The following SGCZ variants were observed in gnomAD, a reference collection of about 807,000 sequenced individuals.
SGCZ encodes the protein sarcoglycan zeta, also known as zeta-sarcoglycan.
A neutral mutation model predicts 41.3 loss-of-function variants in SGCZ; 40 were observed. The observed-to-expected ratio is 0.97, with a 90% CI of 0.75 to 1.26. SGCZ has a LOEUF of 1.26. Among genes scored for constraint, SGCZ ranks in the 50% most tolerant of loss-of-function variants. SGCZ has a pLI of 0.00. For synonymous variants in SGCZ, 206 were observed against 137.5 expected (o/e 1.50, Z -3.49); for missense variants, 552 against 369.8 (o/e 1.49, Z -4.04).
At chr8:14,960,467 G>A (rs541942542) in intron 1 of SGCZ, among the ~76,000 whole-genome samples, 1 of 152,148 alleles carries the variant, frequency 6.6e-6, no homozygotes, top group South Asian at 2.1e-4. Context: ...GATTTTCATA[G>A]GCTAGAGGTA....
At chr8:14,699,314 C>T (rs1457861276) in intron 1 of SGCZ, among the ~76,000 whole-genome samples, 1 of 151,256 alleles carries the variant, frequency 6.6e-6, no homozygotes, top group Non-Finnish European at 1.5e-5. Flanking sequence ...AATAAAGCCA[C>T]ATACCTACAA....
chr8:15,082,050 G>A (rs1304895654), intron 1 of SGCZ, among the ~76,000 whole-genome samples: 5 of 151,912 alleles, frequency 3.3e-5, no homozygotes, highest in Non-Finnish European at 2.9e-5. Context: ...CCAACATGGT[G>A]AAACCCCGCC....
chr8:15,038,362 G>T (rs1803944273), intron 1 of SGCZ, among the ~76,000 whole-genome samples: 1 of 152,034 alleles, frequency 6.6e-6, no homozygotes, highest in Non-Finnish European at 1.5e-5. Context: ...AGGAAAGGAT[G>T]ATCTCTTCAA....
chr8:14,497,374 T>C (rs1188146781), intron 2 of SGCZ, among the ~76,000 whole-genome samples: 1 of 151,952 alleles, frequency 6.6e-6, no homozygotes, highest in South Asian at 2.1e-4. Flanking sequence ...AACAATCAGA[T>C]CTCTCGTGAA....
intron 1 of SGCZ, among the ~76,000 whole-genome samples, chr8:14,926,196 T>C (rs1202102861): frequency 6.6e-6 from 1 of 152,208 alleles, no homozygotes; most frequent in Admixed American, 6.5e-5. Context: ...GCTTTTTAAG[T>C]AATATATGCA....
intron 1 of SGCZ, among the ~76,000 whole-genome samples, chr8:14,663,089 A>G (rs1377498403): frequency 6.6e-6 from 1 of 152,206 alleles, no homozygotes; most frequent in Non-Finnish European, 1.5e-5. Flanking sequence ...CCTCGGAATT[A>G]TGACCTATAA....
chr8:15,156,213 G>A (rs113911232), intron 1 of SGCZ, among the ~76,000 whole-genome samples: 14 of 152,002 alleles, frequency 9.2e-5, no homozygotes, highest in African/African-American at 2.9e-4. Context: ...CTTTAAAATG[G>A]CTAATGTCCA....
At chr8:14,492,255 C>T (rs187858976) in intron 2 of SGCZ, among the ~76,000 whole-genome samples, 1 of 152,246 alleles carries the variant, frequency 6.6e-6, no homozygotes, top group African/African-American at 2.4e-5. Context: ...GTACTTATCA[C>T]TGAAATAATC....
intron 4 of SGCZ, among the ~76,000 whole-genome samples, chr8:14,174,933 C>T (rs555988915): frequency 7.2e-5 from 11 of 152,154 alleles, no homozygotes; most frequent in African/African-American, 1.7e-4. Context: ...TCTGTGTGTC[C>T]AAATTTCCTG....
Position 15,194,025 on chromosome 8 carries a change from T to A in SGCZ, c.39+43560A>T, listed in dbSNP as rs541063641. ...CCAGTGTAACTTGTTAGAGTATATGTTTTCTGAGTTGACCCTTATGGAAAA... is the reference window on the plus strand; with the variant it reads ...CCAGTGTAACTTGTTAGAGTATATGATTTCTGAGTTGACCCTTATGGAAAA... On this transcript the variant is annotated intron_variant, in intron 1 of 7. Coordinates refer to ENST00000382080, the MANE Select transcript of SGCZ (RefSeq NM_139167.4). Among the ~76,000 whole-genome samples, 17 of 152,296 alleles carry A rather than the reference T, an allele frequency of 1.1e-4. No homozygotes were observed. The South Asian group carries it at 1.7e-3, about 15-fold the overall frequency.
chr8:14,426,432 G>T (rs968649554), intron 2 of SGCZ, among the ~76,000 whole-genome samples: 2 of 146,432 alleles, frequency 1.4e-5, no homozygotes, highest in African/African-American at 5.6e-5. Context: ...GATGTTGGTG[G>T]TGCAAGTCAA....
chr8:14,616,487 C>T (rs1215820510), intron 1 of SGCZ, among the ~76,000 whole-genome samples: 1 of 151,858 alleles, frequency 6.6e-6, no homozygotes, highest in Admixed American at 6.6e-5. Flanking sequence ...TATTTTTTAA[C>T]CTAAAAAACT....
chr8:14,730,632 T>C (rs1435995447), intron 1 of SGCZ, among the ~76,000 whole-genome samples: 2 of 149,592 alleles, frequency 1.3e-5, no homozygotes, highest in Non-Finnish European at 3.0e-5. Context: ...AGCACATGGA[T>C]GTTCGGAACT....
chr8:14,796,871 G>T (rs571711345), intron 1 of SGCZ, among the ~76,000 whole-genome samples: 1 of 152,168 alleles, frequency 6.6e-6, no homozygotes, highest in South Asian at 2.1e-4. Flanking sequence ...CACAAGATCT[G>T]ATGGTTTTAT....
intron 4 of SGCZ, among the ~76,000 whole-genome samples, chr8:14,213,944 C>A (rs969969192): frequency 1.3e-5 from 2 of 152,028 alleles, no homozygotes; most frequent in Admixed American, 6.6e-5. Flanking sequence ...ACTTAACTCC[C>A]AGCTGCTTAA....
intron 4 of SGCZ, among the ~76,000 whole-genome samples, chr8:14,187,401 A>C (rs895513985): frequency 1.3e-5 from 2 of 152,228 alleles, no homozygotes; most frequent in Non-Finnish European, 2.9e-5. Flanking sequence ...TGTCAGACTT[A>C]ACCAAGAATT....
chr8:15,133,889 G>A (rs573972554), intron 1 of SGCZ, among the ~76,000 whole-genome samples: 71 of 152,226 alleles, frequency 4.7e-4, no homozygotes, highest in African/African-American at 1.6e-3. Flanking sequence ...GCTAATTTTT[G>A]AGGGAAGTCT....
intron 2 of SGCZ, among the ~76,000 whole-genome samples, chr8:14,340,461 G>A (rs1039124001): frequency 2.0e-5 from 3 of 152,020 alleles, no homozygotes; most frequent in Admixed American, 1.3e-4. Context: ...ACACATTACA[G>A]TTCACTGGTT....
chr8:14,789,227 A>G (rs1416094384), intron 1 of SGCZ, among the ~76,000 whole-genome samples: 1 of 152,178 alleles, frequency 6.6e-6, no homozygotes, highest in Non-Finnish European at 1.5e-5. Context: ...ATGCAAAAAA[A>G]GTGTGATACT....
Sources: allele counts gnomAD v4.1 joint callset (sites outside exome capture counted in the v4.1 genomes callset), GRCh38; gene constraint gnomAD v4.1.1; transcripts MANE v1.5; gene names NCBI Gene and HGNC (gene_info 2026-07-23, HGNC 2026-07-21).